Variants in ORC3 observed in about 807,000 individuals in gnomAD.
ORC3 encodes the protein origin recognition complex subunit 3.
ORC3 carries 78 observed loss-of-function variants against 100.7 expected under a neutral mutation model. That is an observed-to-expected ratio of 0.77 (90% CI 0.65 to 0.94). ORC3 has a LOEUF of 0.94. Ranked by LOEUF, ORC3 falls within the 40% of genes least tolerant of loss-of-function variation. ORC3 has a pLI of 0.00. For missense variants in ORC3, 789 were observed against 823.9 expected, an observed-to-expected ratio of 0.96 and a Z score of 0.52; for synonymous variants, 295 against 289.3, an observed-to-expected ratio of 1.02 and a Z score of -0.20.
At chr6:87,609,517 TAGATAA>T in intron 7 of ORC3, 1 of 230,220 alleles carries the variant, frequency 4.3e-6, no homozygotes, top group Non-Finnish European at 8.4e-6. Context: ...ACCCATTAAA[TAGATAA>T]ACTACTCCAG....
At chr6:87,647,624 G>A (rs1490788537) in intron 13 of ORC3, among the ~76,000 whole-genome samples, 1 of 152,160 alleles carries the variant, frequency 6.6e-6, no homozygotes, top group East Asian at 1.9e-4. Context: ...TCTCCCACTA[G>A]AATGTAAGTT....
chr6:87,616,321 T>A lies in ORC3; in HGVS notation c.881T>A (p.Leu294His). The change falls in exon 9 of 20, where the codon CTT becomes CAT. Residue 294 changes from leucine (L) to histidine (H), a missense_variant. Leu to His is a moderately conservative substitution (Grantham distance 99). Around this residue, in one of 3 missense-constraint regions of ORC3, gnomAD observed 399 missense variants for 382.0 expected, o/e 1.04. Transcript: ENST00000392844. ...CCTTTTAATCTCTTTCAGCTACTTC[T>A]TACAACTCAGTTTCCCTTTAAAATA... is the stretch of plus-strand genomic sequence containing the variant. ...HLTTVLDKLL[L>H]TTQFPFKINE... The A allele has an allele frequency of 7.5e-7, 1 of 1,340,640 alleles. No individual in the cohort carries two copies. The allele number at this position is 1,340,640 out of a possible 1,614,324, so 83.0% of individuals were successfully genotyped here.
chr6:87,670,273 C>A (rs1452658264), downstream of ORC3, among the ~76,000 whole-genome samples: 1 of 152,156 alleles, frequency 6.6e-6, no homozygotes, highest in African/African-American at 2.4e-5. Flanking sequence ...TCAAGCCATT[C>A]TCCTGCCTCG....
chr6:87,639,819 A>C (rs1158463983), intron 13 of ORC3, among the ~76,000 whole-genome samples: 1 of 148,370 alleles, frequency 6.7e-6, no homozygotes, highest in Non-Finnish European at 1.5e-5. Flanking sequence ...CTCTCTGCCA[A>C]AAATACAAAA....
intron 8 of ORC3, among the ~76,000 whole-genome samples, chr6:87,614,480 C>A (rs1033342858): frequency 6.6e-6 from 1 of 152,204 alleles, no homozygotes; most frequent in Non-Finnish European, 1.5e-5. Flanking sequence ...ATTTCTGCAG[C>A]TGACTTGAAT....
intron 8 of ORC3, among the ~76,000 whole-genome samples, chr6:87,616,109 A>G (rs1430972412): frequency 1.3e-5 from 2 of 152,170 alleles, no homozygotes; most frequent in African/African-American, 4.8e-5. Flanking sequence ...CTGAAGATAC[A>G]GTATAAGTAG....
intron 2 of ORC3, among the ~76,000 whole-genome samples, chr6:87,597,672 T>C (rs763174009): frequency 3.3e-5 from 4 of 121,898 alleles, no homozygotes; most frequent in African/African-American, 1.5e-4. Context: ...AGTAATGATA[T>C]ATATATATAC....
At chr6:87,595,650 A>G (rs978278217) in intron 2 of ORC3, among the ~76,000 whole-genome samples, 9 of 152,206 alleles carry the variant, frequency 5.9e-5, no homozygotes, top group Non-Finnish European at 1.0e-4. Flanking sequence ...AGGGTCCCAC[A>G]CAGTTCTCAA....
intron 12 of ORC3, among the ~76,000 whole-genome samples, chr6:87,636,133 C>T (rs934720405): frequency 2.6e-5 from 4 of 151,826 alleles, no homozygotes; most frequent in Non-Finnish European, 4.4e-5. Context: ...GGGGTTTCAC[C>T]GTGTTAACCA....
intron 14 of ORC3, among the ~76,000 whole-genome samples, chr6:87,655,938 T>TA (rs1769650024): frequency 6.6e-6 from 1 of 152,176 alleles, no homozygotes; most frequent in African/African-American, 2.4e-5. Flanking sequence ...TAGCTGTAGC[T>TA]AAAAAGCAGT....
chr6:87,659,883 A>AG (rs1770052692), intron 16 of ORC3, among the ~76,000 whole-genome samples: 1 of 151,168 alleles, frequency 6.6e-6, no homozygotes, highest in African/African-American at 2.4e-5. Context: ...CTCCATCTCG[A>AG]GAAAAAAAAA....
chr6:87,603,724 C>A (rs773134459), intron 4 of ORC3, among the ~76,000 whole-genome samples, 196 bp downstream of exon 4: 1 of 152,050 alleles, frequency 6.6e-6, no homozygotes, highest in Non-Finnish European at 1.5e-5. Context: ...TACAGACGAT[C>A]ATATGTTTGT....
chr6:87,630,779 A>C (rs186735671), intron 11 of ORC3, among the ~76,000 whole-genome samples: 1 of 152,296 alleles, frequency 6.6e-6, no homozygotes, highest in Admixed American at 6.5e-5. Context: ...AAGAATCTGG[A>C]GGAAGGGAAT....
In ORC3 at chr6:87,616,327, C is replaced by T. The variant is rs527928246; in HGVS notation, c.887C>T (p.Thr296Ile). 9.5e-5 allele frequency: 133 copies of T among 1,400,956 alleles called. 2 individuals are homozygous for T. The South Asian group carries it at 1.5e-3, about 16-fold the overall frequency. The allele number at this position is 1,400,956 out of a possible 1,614,324, so 86.8% of individuals were successfully genotyped here. The change falls in exon 9 of 20, where the codon ACT (threonine) becomes ATT (isoleucine). Residue 296 changes from threonine (T) to isoleucine (I), a missense_variant. By Grantham distance (89) the Thr-to-Ile change is moderately conservative (BLOSUM62 -1). Coordinates refer to ENST00000392844, the MANE Select transcript of ORC3 (RefSeq NM_012381.4). ...AATCTCTTTCAGCTACTTCTTACAA[C>T]TCAGTTTCCCTTTAAAATAAATGAA... The part of the protein sequence containing the change: ...TTVLDKLLLT[T>I]QFPFKINEKV...
intron 2 of ORC3, among the ~76,000 whole-genome samples, chr6:87,601,553 A>G (rs1777899400): frequency 6.6e-6 from 1 of 151,948 alleles, no homozygotes; most frequent in Non-Finnish European, 1.5e-5. Context: ...GCCTGTAGTC[A>G]CAGCCACTCG....
chr6:87,677,080 G>GA, the ORC3 span, among the ~76,000 whole-genome samples: 457 of 112,580 alleles, frequency 4.1e-3, 2 homozygotes, highest in East Asian at 9.3e-3. Flanking sequence ...TCCGTCTCAG[G>GA]AAAAAAAAAA....
chr6:87,625,482 C>T (rs536133094), intron 11 of ORC3, among the ~76,000 whole-genome samples: 8 of 152,274 alleles, frequency 5.3e-5, no homozygotes, highest in Admixed American at 2.0e-4. Context: ...CTGTTGGCTG[C>T]GTAAATGTCT....
Position 87,612,169 on chromosome 6 carries a change from A to T in ORC3, c.794A>T (p.His265Leu), listed in dbSNP as rs757526059. ...SPIIIHRLLP[H>L]AVSSLLCIEL... Reference sequence around the variant, plus strand: ...ATTATCATCCACCGATTGCTTCCTCATGCAGTATCATCTCTATTGTGCATA... The same window carrying T: ...ATTATCATCCACCGATTGCTTCCTCTTGCAGTATCATCTCTATTGTGCATA... The change falls in exon 8 of 20, where the codon CAT (histidine) becomes CTT (leucine). Residue 265 changes from histidine to leucine, a missense_variant. Physicochemically the swap from His to Leu is moderately conservative, Grantham distance 99 (BLOSUM62 -3). This residue lies in a region of ORC3 where 399 missense variants were observed against 382.0 expected (regional missense o/e 1.04). Transcript: ENST00000392844. 6.2e-7 allele frequency: 1 copy of T among 1,613,128 alleles called. No individual in the cohort carries two copies. Among genetic ancestry groups the T allele is most frequent in the Non-Finnish European group, 8.5e-7 (1 of 1,179,266 alleles).
At chr6:87,662,453 A>G (rs1770260050) in intron 16 of ORC3, among the ~76,000 whole-genome samples, 1 of 152,078 alleles carries the variant, frequency 6.6e-6, no homozygotes, top group South Asian at 2.1e-4. Context: ...AAAACAAAAC[A>G]AAAAAACCCC....
Sources: allele counts gnomAD v4.1 joint callset (sites outside exome capture counted in the v4.1 genomes callset), GRCh38; gene constraint gnomAD v4.1.1; regional missense constraint gnomAD v4.1.1; transcripts MANE v1.5; gene names NCBI Gene and HGNC (gene_info 2026-07-23, HGNC 2026-07-21).